IL15: variants seen among roughly 807,000 people sequenced by gnomAD.
The protein encoded by IL15 is interleukin 15.
A neutral mutation model predicts 19.6 loss-of-function variants in IL15; 11 were observed. The ratio of observed to expected loss-of-function variants is 0.56; its 90% CI spans 0.35 to 0.93. The LOEUF (loss-of-function observed/expected upper bound fraction) is 0.93. IL15 is among the 40% of genes least tolerant of loss of function. IL15 has a pLI of 0.01. For synonymous variants in IL15, 58 were observed against 59.6 expected (o/e 0.97, Z 0.12); for missense variants, 197 against 186.5 (o/e 1.06, Z -0.33).
chr4:141,710,314 C>T (rs1474605004), intron 2 of IL15, among the ~76,000 whole-genome samples: 2 of 152,144 alleles, frequency 1.3e-5, no homozygotes, highest in Non-Finnish European at 1.5e-5. Context: ...AATGGACATT[C>T]TCAGAGAGTT....
At chr4:141,708,565 G>A (rs1464026586) in intron 2 of IL15, among the ~76,000 whole-genome samples, 1 of 152,174 alleles carries the variant, frequency 6.6e-6, no homozygotes, top group Admixed American at 6.5e-5. Context: ...TCTGGCATGT[G>A]TGGTAATAAT....
chr4:141,732,164 A>G (rs1400085357), intron 7 of IL15, among the ~76,000 whole-genome samples: 1 of 152,218 alleles, frequency 6.6e-6, no homozygotes, highest in Non-Finnish European at 1.5e-5. Flanking sequence ...TGGGACATTG[A>G]GTCCAGCCCT....
chr4:141,639,129 G>T (rs1347866996), intron 1 of IL15, among the ~76,000 whole-genome samples: 1 of 152,092 alleles, frequency 6.6e-6, no homozygotes, highest in African/African-American at 2.4e-5. Flanking sequence ...TATGTGGTAG[G>T]CAATATATTT....
intron 2 of IL15, among the ~76,000 whole-genome samples, chr4:141,658,193 T>G (rs1195264733): frequency 6.6e-6 from 1 of 152,170 alleles, no homozygotes; most frequent in Non-Finnish European, 1.5e-5. Flanking sequence ...CCTGCTCTCT[T>G]TTCCTCCTGC....
At chr4:141,692,470 G>T (rs34376144) in intron 2 of IL15, among the ~76,000 whole-genome samples, 11,587 of 152,160 alleles carry the variant, frequency 0.076, 1,108 homozygotes, top group East Asian at 0.41. Context: ...TTTATGCTTT[G>T]TTTCCCCTTT....
chr4:141,687,569 ATTAATTCCATGGTAAAGCTG>A (rs1560919521), intron 2 of IL15, among the ~76,000 whole-genome samples: 1 of 152,216 alleles, frequency 6.6e-6, no homozygotes, highest in Non-Finnish European at 1.5e-5. Flanking sequence ...CCTCAACTCC[ATTAATTCCATGGTAAAGCTG>A]CTTCTGACTT....
intron 2 of IL15, among the ~76,000 whole-genome samples, chr4:141,658,156 G>A (rs1219647097): frequency 1.3e-5 from 2 of 152,026 alleles, no homozygotes; most frequent in East Asian, 3.9e-4. Flanking sequence ...ACGAGATTTG[G>A]TTGTTTAAAA....
rs576849390 is a variant in IL15 at position 141,660,369 on chromosome 4, GCAGCTTA to G, written c.-100+4065_-100+4071del. Among the ~76,000 whole-genome samples the G allele has an allele frequency of 1.4e-3, 211 of 152,276 alleles. 1 individual carries two copies. The highest frequency in any genetic ancestry group is 4.9e-3 in the African/African-American group (204 of 41,548). Reference sequence around the variant, plus strand: ...CTCCTCTTTTATTTTAGCTAGGGATGCAGCTTACAAGCTTGGGTGGCCTTGAGTCACC... The same window carrying G: ...CTCCTCTTTTATTTTAGCTAGGGATGCAAGCTTGGGTGGCCTTGAGTCACC... On this transcript the variant is annotated intron_variant, in intron 2 of 7. Transcript: ENST00000320650.
At chr4:141,656,157 C>A in intron 1 of IL15, 29 bp from the exon 2 acceptor site, 1 of 398,060 alleles carries the variant, frequency 2.5e-6, no homozygotes, top group Non-Finnish European at 4.4e-6. Context: ...AATTATTAAT[C>A]CTCTTATCCG....
At chr4:141,688,329 A>T (rs980407101) in intron 2 of IL15, among the ~76,000 whole-genome samples, 1 of 152,222 alleles carries the variant, frequency 6.6e-6, no homozygotes, top group African/African-American at 2.4e-5. Flanking sequence ...CCACTACCTG[A>T]AGCATTTTCA....
intron 2 of IL15, among the ~76,000 whole-genome samples, chr4:141,678,509 A>G (rs1039145922): frequency 1.1e-4 from 16 of 151,836 alleles, no homozygotes; most frequent in African/African-American, 3.9e-4. Context: ...ATACAAAGCT[A>G]TCATTTAACT....
intron 2 of IL15, chr4:141,718,729 A>G (rs1579049050): frequency 6.6e-6 from 1 of 152,112 alleles, no homozygotes; most frequent in African/African-American, 2.4e-5. Flanking sequence ...GTTGTGGCAG[A>G]TTTTGGTTTT....
intron 2 of IL15, among the ~76,000 whole-genome samples, chr4:141,666,250 A>G (rs944447816): frequency 8.5e-5 from 13 of 152,106 alleles, no homozygotes; most frequent in South Asian, 6.2e-4. Context: ...ACAGGCGCCC[A>G]CCACTAGGTC....
chr4:141,682,513 A>G (rs1480581328), intron 2 of IL15, among the ~76,000 whole-genome samples: 2 of 152,318 alleles, frequency 1.3e-5, no homozygotes, highest in East Asian at 1.9e-4. Context: ...CATAACACAC[A>G]TAAGTAATAT....
chr4:141,639,677 C>T (rs1053234037), intron 1 of IL15, among the ~76,000 whole-genome samples: 1 of 152,170 alleles, frequency 6.6e-6, no homozygotes. Flanking sequence ...GGGACATCCT[C>T]TCTTCAGAAG....
At chr4:141,722,607 G>A (rs1730127700) in intron 5 of IL15, among the ~76,000 whole-genome samples, 1 of 152,082 alleles carries the variant, frequency 6.6e-6, no homozygotes, top group Non-Finnish European at 1.5e-5. Context: ...TAATAGACAT[G>A]AAGCCAAGAT....
chr4:141,707,507 G>C (rs974350573), intron 2 of IL15, among the ~76,000 whole-genome samples: 6 of 152,076 alleles, frequency 3.9e-5, no homozygotes, highest in Admixed American at 2.0e-4. Context: ...TCATATAGTA[G>C]AATAGTTTTT....
At chr4:141,708,753 C>T (rs745375396) in intron 2 of IL15, among the ~76,000 whole-genome samples, 4 of 152,142 alleles carry the variant, frequency 2.6e-5, no homozygotes, top group Non-Finnish European at 5.9e-5. Context: ...GGGTGCTCTC[C>T]AGCATACTTC....
intron 2 of IL15, among the ~76,000 whole-genome samples, chr4:141,696,568 A>G (rs1299061153): frequency 6.6e-6 from 1 of 152,050 alleles, no homozygotes; most frequent in Non-Finnish European, 1.5e-5. Context: ...AACACTGGAT[A>G]GCTTTCCATT....
Sources: gnomAD v4.1 joint callset for allele counts (sites outside exome capture counted in the v4.1 genomes callset) on GRCh38, gnomAD v4.1.1 for gene constraint, MANE v1.5 for transcripts, NCBI Gene and HGNC (gene_info 2026-07-23, HGNC 2026-07-21) for gene names.